The following CALN1 variants were observed in gnomAD, a reference collection of about 807,000 sequenced individuals.
CALN1 encodes calneuron 1, also known as calcium-binding protein 8.
CALN1 carries 17 observed loss-of-function variants against 30.6 expected under a neutral mutation model. The ratio of observed to expected loss-of-function variants is 0.56; its 90% CI spans 0.38 to 0.83. CALN1 has a LOEUF of 0.83. Ranked by LOEUF, CALN1 falls within the 40% of genes least tolerant of loss-of-function variation. CALN1 has a pLI of 0.00. For missense variants in CALN1, 291 were observed against 354.9 expected (o/e 0.82, Z 1.45); for synonymous variants, 156 against 131.4 (o/e 1.19, Z -1.28).
chr7:71,853,815 G>A lies in CALN1; in HGVS notation c.502-43323C>T, dbSNP rs985817422. On this transcript the variant is annotated intron_variant, in intron 5 of 6. Transcript: ENST00000395275. ...GGGTGGTCTCGAACTCCTGATCTCA[G>A]GTAATCCGCCCACCTCGGCGTTCCA... is the stretch of plus-strand genomic sequence containing the variant. Among the ~76,000 whole-genome samples, 3 of 151,972 alleles carry A rather than the reference G, an allele frequency of 2.0e-5. 1 individual carries two copies. The highest frequency in any genetic ancestry group is 7.3e-5 in the African/African-American group (3 of 41,352).
At chr7:72,211,611 G>A (rs965275220) in intron 3 of CALN1, among the ~76,000 whole-genome samples, 1 of 152,182 alleles carries the variant, frequency 6.6e-6, no homozygotes, top group Non-Finnish European at 1.5e-5. Context: ...CCTAGAGCAC[G>A]AAAAACAAGG....
intron 5 of CALN1, among the ~76,000 whole-genome samples, chr7:72,011,236 A>C (rs1562974546): frequency 6.6e-6 from 1 of 151,866 alleles, no homozygotes; most frequent in South Asian, 2.1e-4. Context: ...AAAAAAAAAC[A>C]AAAACAAAAA....
At chr7:72,307,114 A>AT (rs1426502429) in intron 2 of CALN1, among the ~76,000 whole-genome samples, 7 of 151,956 alleles carry the variant, frequency 4.6e-5, no homozygotes, top group Admixed American at 1.3e-4. Flanking sequence ...GCTTTTTGTA[A>AT]TTTTTTTTAA....
chr7:72,220,700 A>G (rs1034225023), intron 3 of CALN1, among the ~76,000 whole-genome samples: 4 of 151,772 alleles, frequency 2.6e-5, no homozygotes, highest in African/African-American at 9.7e-5. Flanking sequence ...CCTCTCCAGC[A>G]CCTGTTGTTT....
At chr7:72,494,354 C>T in the CALN1 span, among the ~76,000 whole-genome samples, 1 of 152,228 alleles carries the variant, frequency 6.6e-6, no homozygotes, top group Admixed American at 6.5e-5. Flanking sequence ...TCCAGAGGAC[C>T]TGCTAGCAAG....
intron 2 of CALN1, among the ~76,000 whole-genome samples, chr7:72,302,295 A>C (rs977696937): frequency 9.9e-5 from 15 of 152,188 alleles, no homozygotes; most frequent in South Asian, 4.1e-4. Flanking sequence ...ATAAAATTTC[A>C]GAACATCAGA....
intron 4 of CALN1, among the ~76,000 whole-genome samples, chr7:72,048,200 C>T (rs1002423725): frequency 1.2e-4 from 18 of 151,896 alleles, no homozygotes; most frequent in African/African-American, 3.4e-4. Flanking sequence ...CCATCGCACC[C>T]GGCTAATTTT....
At chr7:72,202,889 A>G (rs1043917906) in intron 3 of CALN1, among the ~76,000 whole-genome samples, 4 of 152,186 alleles carry the variant, frequency 2.6e-5, no homozygotes, top group African/African-American at 9.7e-5. Context: ...ACATGCACAC[A>G]TGTTTATTGC....
intron 3 of CALN1, among the ~76,000 whole-genome samples, chr7:72,172,505 T>C (rs1789041398): frequency 6.6e-6 from 1 of 152,174 alleles, no homozygotes; most frequent in South Asian, 2.1e-4. Context: ...CCAATAACTC[T>C]AGTGAACAAA....
At chr7:71,846,419 T>C (rs1790239085) in intron 5 of CALN1, among the ~76,000 whole-genome samples, 1 of 152,090 alleles carries the variant, frequency 6.6e-6, no homozygotes, top group African/African-American at 2.4e-5. Context: ...GAGCCCGCAG[T>C]TTTCTGCTGA....
At chr7:72,375,210 C>CA (rs1214153686) in intron 2 of CALN1, among the ~76,000 whole-genome samples, 5 of 152,008 alleles carry the variant, frequency 3.3e-5, no homozygotes, top group Non-Finnish European at 7.4e-5. Flanking sequence ...CTCACGGTCT[C>CA]AAAAAGCTGA....
At chr7:71,892,376 C>G (rs1049636019) in intron 5 of CALN1, among the ~76,000 whole-genome samples, 1 of 152,188 alleles carries the variant, frequency 6.6e-6, no homozygotes, top group African/African-American at 2.4e-5. Context: ...GTGGCTCACG[C>G]CTGTAATCCC....
At chr7:72,037,323 TG>T (rs891675296) in intron 4 of CALN1, among the ~76,000 whole-genome samples, 1 of 152,078 alleles carries the variant, frequency 6.6e-6, no homozygotes, top group African/African-American at 2.4e-5. Context: ...CTAATTTTTT[TG>T]TATTTTTAGT....
At chr7:72,455,217 A>T in the CALN1 span, among the ~76,000 whole-genome samples, 1 of 151,824 alleles carries the variant, frequency 6.6e-6, no homozygotes, top group Non-Finnish European at 1.5e-5. Context: ...CAGGAAGATC[A>T]CTTGAGCCCA....
intron 6 of CALN1, 99 bp downstream of exon 6, chr7:71,810,237 T>A (rs1203115009): frequency 6.0e-6 from 8 of 1,324,476 alleles, no homozygotes; most frequent in Non-Finnish European, 8.2e-6. Context: ...CAAGGGAACA[T>A]CAGCCCAAGA....
At chr7:72,202,181 A>C (rs1178852522) in intron 3 of CALN1, among the ~76,000 whole-genome samples, 1 of 152,238 alleles carries the variant, frequency 6.6e-6, no homozygotes. Flanking sequence ...AAATATCCAC[A>C]TGGAGATATT....
chr7:72,435,239 GAA>G (rs34343025), intron 1 of CALN1, among the ~76,000 whole-genome samples: 2 of 133,060 alleles, frequency 1.5e-5, no homozygotes, highest in Non-Finnish European at 1.6e-5. Context: ...AGTCTCTAAG[GAA>G]AAAAAAAAAA....
intron 5 of CALN1, among the ~76,000 whole-genome samples, chr7:71,993,238 A>G (rs962023544): frequency 5.3e-5 from 8 of 152,184 alleles, no homozygotes; most frequent in Admixed American, 2.0e-4. Context: ...TTGACTGCCC[A>G]TTTTTGTTAG....
At chr7:72,071,414 CCGTTT>C (rs1028661863) in intron 4 of CALN1, among the ~76,000 whole-genome samples, 4 of 152,132 alleles carry the variant, frequency 2.6e-5, no homozygotes, top group African/African-American at 4.8e-5. Context: ...CTATTTTCCC[CCGTTT>C]CATTTTTCTC....
Sources: allele counts gnomAD v4.1 joint callset (sites outside exome capture counted in the v4.1 genomes callset), GRCh38; gene constraint gnomAD v4.1.1; transcripts MANE v1.5; gene names NCBI Gene and HGNC (gene_info 2026-07-23, HGNC 2026-07-21).